FECH: variants seen among roughly 807,000 people sequenced by gnomAD.
FECH encodes the protein ferrochelatase, also known as ferrochelatase, mitochondrial.
FECH carries 40 observed loss-of-function variants against 56.9 expected under a neutral mutation model. The observed-to-expected ratio is 0.70, with a 90% CI of 0.55 to 0.92. FECH has a LOEUF of 0.92. Ranked by LOEUF, FECH falls within the 40% of genes least tolerant of loss-of-function variation. FECH has a pLI of 0.00. For synonymous variants in FECH, 175 were observed against 198.6 expected, an observed-to-expected ratio of 0.88 and a Z score of 1.00; for missense variants, 431 against 529.1, an observed-to-expected ratio of 0.81 and a Z score of 1.82.
chr18:57,557,401 C>T (rs914175104), intron 7 of FECH, among the ~76,000 whole-genome samples: 7 of 152,192 alleles, frequency 4.6e-5, no homozygotes, highest in South Asian at 4.1e-4. Flanking sequence ...CCCACAAGGA[C>T]GCTCCAGCAG....
chr18:57,562,326 T>C (rs927980527), intron 6 of FECH, among the ~76,000 whole-genome samples: 1 of 152,134 alleles, frequency 6.6e-6, no homozygotes, highest in African/African-American at 2.4e-5. Flanking sequence ...TTTAACTTAT[T>C]CTCCTAAAAT....
In FECH at chr18:57,578,643, G is replaced by A. The variant is rs182223361; in HGVS notation, c.194+1430C>T. ...TGCAGTGAGCCATGATCACACCACCGCACTCCAGCCTGGGTGACAGAGCTA... is the reference window on the plus strand; with the variant it reads ...TGCAGTGAGCCATGATCACACCACCACACTCCAGCCTGGGTGACAGAGCTA... On this transcript the variant is annotated intron_variant, in intron 2 of 10. Coordinates refer to ENST00000262093, the MANE Select transcript of FECH (RefSeq NM_000140.5). Among the ~76,000 whole-genome samples, 250 of 152,144 alleles carry A rather than the reference G, an allele frequency of 1.6e-3. 1 individual carries two copies. Among genetic ancestry groups the A allele is most frequent in the African/African-American group, 5.7e-3 (236 of 41,498 alleles).
At chr18:57,554,171 A>C in intron 9 of FECH, 89 bp downstream of exon 9, 1 of 1,377,282 alleles carries the variant, frequency 7.3e-7, no homozygotes, top group Non-Finnish European at 1.0e-6. Context: ...ACAGTAAACA[A>C]TATTTCTGAA....
chr18:57,548,555 T>G lies in FECH; in HGVS notation c.*2157A>C, dbSNP rs2050750128. ...ATTGCTAATTACCAGGGCAAACATT[T>G]GTATTTCAAAGTTGACCAACAGGAT... On this transcript the variant is annotated 3_prime_UTR_variant, in exon 11 of 11. Transcript: ENST00000262093. 6.6e-6 allele frequency: 1 copy of G among 152,212 alleles called. No homozygotes were observed. The highest frequency in any genetic ancestry group is 1.5e-5 in the Non-Finnish European group (1 of 68,036). 9.4% of individuals were successfully genotyped at this position (152,212 alleles called of 1,614,324 possible).
rs960182047 is a variant in FECH at position 57,545,794 on chromosome 18, A to G, written c.*4918T>C. 3.3e-5 allele frequency among the ~76,000 whole-genome samples: 5 copies of G among 152,050 alleles called. No homozygotes were observed. Among genetic ancestry groups the G allele is most frequent in the African/African-American group, 1.2e-4 (5 of 41,436 alleles). On this transcript the variant is annotated 3_prime_UTR_variant, in exon 11 of 11. Transcript: ENST00000262093. The stretch of plus-strand genomic sequence containing the variant: ...AAAGATCAGATAATAGCCGTATTGC[A>G]CAAGTGTCTAGCTGGAGAAAATTGA...
chr18:57,570,027 GTTGTC>G (rs1227655935), intron 4 of FECH, among the ~76,000 whole-genome samples: 2 of 95,094 alleles, frequency 2.1e-5, no homozygotes, highest in East Asian at 3.7e-4. Flanking sequence ...TGTTGTTGTT[GTTGTC>G]GTGTGTGTGT....
chr18:57,576,413 T>C (rs1369820433), intron 2 of FECH, among the ~76,000 whole-genome samples: 1 of 152,202 alleles, frequency 6.6e-6, no homozygotes, highest in Non-Finnish European at 1.5e-5. Context: ...CTAATATTCG[T>C]TTAATCTTTC....
At chr18:57,566,165 C>G (rs1292399566) in intron 5 of FECH, among the ~76,000 whole-genome samples, 2 of 152,212 alleles carry the variant, frequency 1.3e-5, no homozygotes, top group African/African-American at 4.8e-5. Context: ...CCTTAAGGTT[C>G]ATTACTGATC....
intron 3 of FECH, 165 bp downstream of exon 3, chr18:57,573,081 A>AT: frequency 1.3e-6 from 1 of 741,944 alleles, no homozygotes; most frequent in Non-Finnish European, 2.2e-6. Context: ...TCCCCCTGCA[A>AT]TTTTCTGATA....
At chr18:57,586,425 T>G in intron 1 of FECH, 129 bp downstream of exon 1, 1 of 1,011,560 alleles carries the variant, frequency 9.9e-7, no homozygotes, top group Non-Finnish European at 1.4e-6. Context: ...CCTCGCCCGG[T>G]TGCTCGCAGC....
rs1311579527 is a variant in FECH at position 57,548,849 on chromosome 18, A to AGGGCTCCT, written c.*1855_*1862dup. ...AATAAGTGCTTCAGATATACTCGCA[A>AGGGCTCCT]GGGCTCCTGAATTGGAGTTTTCTGC... On this transcript the variant is annotated 3_prime_UTR_variant, in exon 11 of 11. Transcript: ENST00000262093. 6.6e-6 allele frequency: 1 copy of AGGGCTCCT among 152,236 alleles called. No individual in the cohort carries two copies. The allele number at this position is 152,236 out of a possible 1,614,324, so 9.4% of individuals were successfully genotyped here.
chr18:57,577,792 C>T (rs1009247793), intron 2 of FECH, among the ~76,000 whole-genome samples: 2 of 152,194 alleles, frequency 1.3e-5, no homozygotes, highest in African/African-American at 4.8e-5. Flanking sequence ...TGGTCGCTCA[C>T]ACCTGTAATC....
chr18:57,573,151 C>G, intron 3 of FECH, 95 bp downstream of exon 3: 1 of 1,193,958 alleles, frequency 8.4e-7, no homozygotes, highest in Non-Finnish European at 1.3e-6. Context: ...ACCAGATACG[C>G]ATTAAAACTA....
chr18:57,545,936 G>A lies in FECH; in HGVS notation c.*4776C>T, dbSNP rs1359800559. ...AGTTAATAATACTTCAAGTACTGTA[G>A]ACAGTTGTCCTTCTATATTGGCAGG... On this transcript the variant is annotated 3_prime_UTR_variant, in exon 11 of 11. Coordinates refer to ENST00000262093, the MANE Select transcript of FECH (RefSeq NM_000140.5). Among the ~76,000 whole-genome samples, 3 of 152,188 alleles carry A rather than the reference G, an allele frequency of 2.0e-5. No homozygotes were observed. Among genetic ancestry groups the A allele is most frequent in the Non-Finnish European group, 4.4e-5 (3 of 68,044 alleles).
chr18:57,567,968 G>A (rs759955790), intron 4 of FECH: 10 of 152,192 alleles, frequency 6.6e-5, no homozygotes, highest in Non-Finnish European at 1.3e-4. Context: ...GCATAAAATG[G>A]TCACTAGCAG....
intron 7 of FECH, among the ~76,000 whole-genome samples, chr18:57,557,255 T>C (rs1003954950): frequency 2.0e-5 from 3 of 152,176 alleles, no homozygotes; most frequent in African/African-American, 7.2e-5. Flanking sequence ...AAAAATTTCT[T>C]CAAAATAAAG....
chr18:57,586,201 G>A (rs2051369553), intron 1 of FECH, among the ~76,000 whole-genome samples: 2 of 152,198 alleles, frequency 1.3e-5, no homozygotes, highest in African/African-American at 4.8e-5. Flanking sequence ...TATCCTCTAT[G>A]GCAGGCCCAT....
At chr18:57,577,264 T>C (rs2051197447) in intron 2 of FECH, among the ~76,000 whole-genome samples, 1 of 152,230 alleles carries the variant, frequency 6.6e-6, no homozygotes, top group African/African-American at 2.4e-5. Context: ...CTGCCTGTTT[T>C]TGTAAATAAA....
At chr18:57,565,584 A>AAG (rs2051005913) in intron 5 of FECH, among the ~76,000 whole-genome samples, 1 of 151,686 alleles carries the variant, frequency 6.6e-6, no homozygotes. Flanking sequence ...AAAAAAAAAA[A>AAG]AAAGAAAGAA....
Sources: allele counts gnomAD v4.1 joint callset (sites outside exome capture counted in the v4.1 genomes callset), GRCh38; gene constraint gnomAD v4.1.1; transcripts MANE v1.5; gene names NCBI Gene and HGNC (gene_info 2026-07-23, HGNC 2026-07-21).